Variants in ZFYVE28 observed in about 807,000 individuals in gnomAD.
ZFYVE28 encodes the protein lateral signaling target protein 2 homolog.
A neutral mutation model predicts 82.1 loss-of-function variants in ZFYVE28; 40 were observed. The ratio of observed to expected loss-of-function variants is 0.49; its 90% CI spans 0.38 to 0.63. The LOEUF is 0.63. ZFYVE28 is among the 30% of genes least tolerant of loss of function. The probability of loss-of-function intolerance (pLI) is 0.00; values close to 1 mark genes in which losing one functional copy is unlikely to be tolerated. For synonymous variants in ZFYVE28, 612 were observed against 546.1 expected (o/e 1.12, Z -1.68); for missense variants, 1,321 against 1,242.1 (o/e 1.06, Z -0.96).
chr4:2,304,569 T>C lies in ZFYVE28; in HGVS notation c.1771A>G (p.Ile591Val), dbSNP rs1272668483. The change falls in exon 8 of 13, where the codon ATT (isoleucine) becomes GTT (valine). Residue 591 changes from isoleucine (I) to valine (V), a missense_variant. Around this residue, in one of 2 missense-constraint regions of ZFYVE28, gnomAD observed 978 missense variants for 833.7 expected, o/e 1.17. Coordinates refer to ENST00000290974, the MANE Select transcript of ZFYVE28 (RefSeq NM_020972.3). Reference protein sequence around the residue: ...LREKCSPGGVIGASYAAGLAK... With the variant: ...LREKCSPGGVVGASYAAGLAK... ...AAGCCGGCAGCGTACGAGGCACCAA[T>C]GACGCCTCCCGGGCTGCACTTCTCC... The C allele has an allele frequency of 1.9e-6, 3 of 1,612,682 alleles. No individual in the cohort carries two copies. The highest frequency in any genetic ancestry group is 1.7e-5 in the Admixed American group (1 of 59,980).
intron 1 of ZFYVE28, chr4:2,364,462 A>G: frequency 3.0e-6 from 3 of 985,490 alleles, no homozygotes; most frequent in Non-Finnish European, 3.6e-6. Context: ...CTTTACGTTC[A>G]ATTCACATCA....
At chr4:2,375,848 A>G (rs537076335) in intron 1 of ZFYVE28, among the ~76,000 whole-genome samples, 47 of 151,854 alleles carry the variant, frequency 3.1e-4, no homozygotes, top group African/African-American at 1.1e-3. Flanking sequence ...CATATTGATT[A>G]TATGTTAAAA....
chr4:2,396,015 T>C (rs1730407477), intron 1 of ZFYVE28, among the ~76,000 whole-genome samples: 2 of 152,260 alleles, frequency 1.3e-5, no homozygotes, highest in South Asian at 4.1e-4. Flanking sequence ...GGTGAGTCTC[T>C]GCTAAATCAG....
intron 7 of ZFYVE28, among the ~76,000 whole-genome samples, chr4:2,311,869 T>TG (rs1446005959): frequency 3.3e-5 from 5 of 152,210 alleles, no homozygotes; most frequent in Non-Finnish European, 5.9e-5. Flanking sequence ...CTCAAACTCC[T>TG]GGGTTCAAGC....
intron 7 of ZFYVE28, among the ~76,000 whole-genome samples, chr4:2,315,293 GTTTTCT>G (rs1560191266): frequency 6.6e-6 from 1 of 151,792 alleles, no homozygotes; most frequent in Admixed American, 6.6e-5. Flanking sequence ...TTTTTGTTTT[GTTTTCT>G]TTTTGAAACA....
chr4:2,337,561 T>TG (rs1210782092), intron 4 of ZFYVE28, 65 bp from the exon 5 acceptor site: 5 of 1,255,584 alleles, frequency 4.0e-6, no homozygotes, highest in Non-Finnish European at 5.4e-6. Context: ...CAAAACAGAG[T>TG]GGGGGGCATC....
Position 2,273,213 on chromosome 4 carries a change from G to T in ZFYVE28, c.2283C>A (p.Ala761=). The T allele has an allele frequency of 6.2e-7, 1 of 1,613,932 alleles. No individual in the cohort carries two copies. The highest frequency in any genetic ancestry group is 8.5e-7 in the Non-Finnish European group (1 of 1,179,910). ...CCTTGTCGTCTGTTTCAGGCTTGGTGGCCATGACCTCAAACAGTGTTTTAA... is the reference window on the plus strand; with the variant it reads ...CCTTGTCGTCTGTTTCAGGCTTGGTTGCCATGACCTCAAACAGTGTTTTAA... ...SILKTLFEVM[A]TKPETDDKEK... is the part of the protein sequence containing the mutation. Residue 761 remains alanine, a synonymous_variant, in exon 10 of 13, where the codon GCC becomes GCA. Coordinates refer to ENST00000290974, the MANE Select transcript of ZFYVE28 (RefSeq NM_020972.3).
chr4:2,326,203 CT>C (rs1415475339), intron 6 of ZFYVE28, among the ~76,000 whole-genome samples: 1 of 152,136 alleles, frequency 6.6e-6, no homozygotes. Context: ...TTATATTTAG[CT>C]CTTTAATCCA....
At chr4:2,366,575 T>C (rs1225139574) in intron 1 of ZFYVE28, among the ~76,000 whole-genome samples, 1 of 152,222 alleles carries the variant, frequency 6.6e-6, no homozygotes, top group Non-Finnish European at 1.5e-5. Flanking sequence ...CCCACAGCCA[T>C]CGTCTACTCA....
intron 6 of ZFYVE28, among the ~76,000 whole-genome samples, chr4:2,327,290 ATATATATATATATATATATC>A (rs1182654611): frequency 7.8e-5 from 3 of 38,322 alleles, no homozygotes; most frequent in South Asian, 8.5e-4. Flanking sequence ...ATATATATAT[ATATATATATATATATATATC>A]GAATAAAGTT....
chr4:2,271,280 A>G, intron 12 of ZFYVE28, 31 bp downstream of exon 12: 1 of 1,602,806 alleles, frequency 6.2e-7, no homozygotes, highest in Non-Finnish European at 8.5e-7. Context: ...TTGGATGCTG[A>G]GGGACCCTCC....
chr4:2,344,474 T>C (rs1723231030), intron 2 of ZFYVE28, among the ~76,000 whole-genome samples: 1 of 152,138 alleles, frequency 6.6e-6, no homozygotes, highest in Non-Finnish European at 1.5e-5. Context: ...ACCTTAAAAA[T>C]AAGACCCAAA....
At chr4:2,389,218 C>G (rs1422541800) in intron 1 of ZFYVE28, among the ~76,000 whole-genome samples, 2 of 152,182 alleles carry the variant, frequency 1.3e-5, no homozygotes, top group South Asian at 2.1e-4. Flanking sequence ...GCCATCCAGC[C>G]AGGTCCTGCC....
chr4:2,301,520 G>A (rs1378424482), intron 8 of ZFYVE28, among the ~76,000 whole-genome samples: 5 of 147,594 alleles, frequency 3.4e-5, no homozygotes, highest in African/African-American at 7.3e-5. Context: ...GAGCCTCAGC[G>A]TCTGTGCTGA....
rs1420350456 is a variant in ZFYVE28 at position 2,408,138 on chromosome 4, T to A, written c.39+10147A>T. On this transcript the variant is annotated intron_variant, in intron 1 of 12. Transcript: ENST00000290974. This position sits in a 1 kb window ranked among gnomAD's most constrained non-coding sequence, Gnocchi z 4.3. ...GCCTCCAGGCCTCAAGGCCACAGATTCCTGTCTGACCCTTGCTCCAACCTG... is the reference window on the plus strand; with the variant it reads ...GCCTCCAGGCCTCAAGGCCACAGATACCTGTCTGACCCTTGCTCCAACCTG... Among the ~76,000 whole-genome samples, 1 of 107,046 alleles carries A rather than the reference T, an allele frequency of 9.3e-6. No individual in the cohort carries two copies. Among genetic ancestry groups the A allele is most frequent in the Non-Finnish European group, 2.1e-5 (1 of 48,230 alleles). The allele number at this position is 107,046 out of a possible 152,430, so 70.2% of individuals were successfully genotyped here. A position where few individuals can be genotyped will look rare whatever the true frequency, so the allele number is the denominator to read the frequency against.
intron 1 of ZFYVE28, among the ~76,000 whole-genome samples, chr4:2,366,810 G>A (rs1388103857): frequency 1.3e-5 from 2 of 152,236 alleles, no homozygotes; most frequent in African/African-American, 4.8e-5. Flanking sequence ...CCCTGAGGAT[G>A]AGGCATCCCC....
chr4:2,298,725 C>T (rs187065336), intron 8 of ZFYVE28, among the ~76,000 whole-genome samples: 1 of 152,326 alleles, frequency 6.6e-6, no homozygotes. Flanking sequence ...GCAGGCCTGG[C>T]CTTGCCCCCG....
At chr4:2,297,636 GA>G (rs1305344984) in intron 8 of ZFYVE28, among the ~76,000 whole-genome samples, 1 of 152,260 alleles carries the variant, frequency 6.6e-6, no homozygotes, top group African/African-American at 2.4e-5. Flanking sequence ...AGATGGCCAG[GA>G]ACAGCTGCAA....
intron 5 of ZFYVE28, among the ~76,000 whole-genome samples, chr4:2,337,114 T>C (rs1337849268): frequency 6.6e-6 from 1 of 151,876 alleles, no homozygotes; most frequent in Non-Finnish European, 1.5e-5. Context: ...CCTTCCAGCT[T>C]TTGTCCTCTG....
Sources: gnomAD v4.1 joint callset for allele counts (sites outside exome capture counted in the v4.1 genomes callset) on GRCh38, gnomAD v4.1.1 for gene constraint, gnomAD v4.1.1 regional missense constraint, Gnocchi (gnomAD v3.1) non-coding constraint, MANE v1.5 for transcripts, NCBI Gene and HGNC (gene_info 2026-07-23, HGNC 2026-07-21) for gene names.